Variants in GLIS3 observed in about 807,000 individuals in gnomAD.
GLIS3 encodes the protein zinc finger protein GLIS3.
A neutral mutation model predicts 78.6 loss-of-function variants in GLIS3; 53 were observed. The observed-to-expected ratio is 0.67, with a 90% CI of 0.54 to 0.85. The LOEUF is 0.85. Among genes scored for constraint, GLIS3 ranks in the 40% least tolerant of loss-of-function variants. The pLI, the probability that GLIS3 is intolerant of heterozygous loss-of-function variation, is 0.00. For synonymous variants in GLIS3, 684 were observed against 509.9 expected, an observed-to-expected ratio of 1.34 and a Z score of -4.60; for missense variants, 1,703 against 1,231.1, an observed-to-expected ratio of 1.38 and a Z score of -5.74.
chr9:4,429,045 A>G, the GLIS3 span, among the ~76,000 whole-genome samples: 1 of 152,178 alleles, frequency 6.6e-6, no homozygotes, highest in Non-Finnish European at 1.5e-5. Flanking sequence ...TCTACCCTGC[A>G]TCCACTCTAT....
intron 2 of GLIS3, among the ~76,000 whole-genome samples, chr9:4,201,416 A>C (rs1819382792): frequency 6.6e-6 from 1 of 152,198 alleles, no homozygotes; most frequent in African/African-American, 2.4e-5. Flanking sequence ...GGAAAATCTG[A>C]TTCTATACCT....
intron 2 of GLIS3, among the ~76,000 whole-genome samples, chr9:4,181,271 C>G (rs940945208): frequency 6.6e-6 from 1 of 152,272 alleles, no homozygotes; most frequent in Admixed American, 6.5e-5. Context: ...CAGCACTCGC[C>G]TCATGCAGAC....
chr9:3,969,745 C>T (rs1240599467), intron 4 of GLIS3, among the ~76,000 whole-genome samples: 1 of 152,156 alleles, frequency 6.6e-6, no homozygotes. Flanking sequence ...TTTCTGAGTT[C>T]CATGACCAAG....
chr9:4,466,919 G>C, the GLIS3 span, among the ~76,000 whole-genome samples: 1 of 152,204 alleles, frequency 6.6e-6, no homozygotes. Flanking sequence ...TGGAAAATTG[G>C]AACACTCCCA....
intron 4 of GLIS3, among the ~76,000 whole-genome samples, chr9:4,106,200 A>G (rs888188978): frequency 2.0e-5 from 3 of 152,192 alleles, no homozygotes; most frequent in Non-Finnish European, 4.4e-5. Context: ...TGTCAGCGTG[A>G]TTATCTAAAG....
intron 2 of GLIS3, among the ~76,000 whole-genome samples, chr9:4,170,569 C>T (rs1370485507): frequency 2.0e-5 from 3 of 152,156 alleles, no homozygotes; most frequent in African/African-American, 7.2e-5. Context: ...CAAGCACATA[C>T]CCAACACAAC....
intron 2 of GLIS3, among the ~76,000 whole-genome samples, chr9:4,204,690 G>T (rs1449550613): frequency 1.3e-5 from 2 of 152,232 alleles, no homozygotes; most frequent in East Asian, 3.9e-4. Flanking sequence ...GGCCGAGGCG[G>T]GCAGACTGCC....
At chr9:4,062,691 G>A (rs530122957) in intron 4 of GLIS3, among the ~76,000 whole-genome samples, 2 of 152,310 alleles carry the variant, frequency 1.3e-5, no homozygotes, top group Admixed American at 1.3e-4. Flanking sequence ...ACTTCGGGAG[G>A]CCGAGGCGGG....
chr9:4,066,478 C>T (rs1827108072), intron 4 of GLIS3, among the ~76,000 whole-genome samples: 1 of 152,214 alleles, frequency 6.6e-6, no homozygotes, highest in Non-Finnish European at 1.5e-5. Context: ...AGGAGAAGCT[C>T]CCTGCCACTG....
the GLIS3 span, among the ~76,000 whole-genome samples, chr9:4,471,042 T>C: frequency 2.0e-5 from 3 of 151,698 alleles, no homozygotes; most frequent in East Asian, 5.8e-4. Flanking sequence ...GGAATCCAAC[T>C]TACAAGGGAT....
At chr9:4,191,157 T>C (rs1160466166) in intron 2 of GLIS3, among the ~76,000 whole-genome samples, 1 of 149,284 alleles carries the variant, frequency 6.7e-6, no homozygotes, top group Non-Finnish European at 1.5e-5. Context: ...AACATCATAA[T>C]GACAGGATCA....
At chr9:4,472,565 C>T in the GLIS3 span, among the ~76,000 whole-genome samples, 4 of 140,154 alleles carry the variant, frequency 2.9e-5, no homozygotes, top group Non-Finnish European at 6.0e-5. Context: ...AATGAGAACA[C>T]TTGGACACAG....
intron 4 of GLIS3, among the ~76,000 whole-genome samples, chr9:4,018,936 G>T (rs777825577): frequency 3.3e-5 from 5 of 152,132 alleles, no homozygotes; most frequent in Non-Finnish European, 7.4e-5. Context: ...CAAATTCCAG[G>T]TATTTTACTC....
chr9:4,427,181 C>A, the GLIS3 span, among the ~76,000 whole-genome samples: 1 of 152,260 alleles, frequency 6.6e-6, no homozygotes, highest in African/African-American at 2.4e-5. Flanking sequence ...GTTGGATGCT[C>A]CATTGAGAAT....
chr9:4,100,373 T>C (rs1830274394), intron 4 of GLIS3, among the ~76,000 whole-genome samples: 1 of 152,190 alleles, frequency 6.6e-6, no homozygotes, highest in African/African-American at 2.4e-5. Context: ...GAGAGAGTAT[T>C]TGTATGTTTT....
the GLIS3 span, among the ~76,000 whole-genome samples, chr9:4,467,599 GA>G: frequency 1.3e-4 from 20 of 152,276 alleles, no homozygotes; most frequent in African/African-American, 4.8e-4. Context: ...CTAACAAACA[GA>G]AAGGACATCC....
intron 2 of GLIS3, among the ~76,000 whole-genome samples, chr9:4,166,660 A>G (rs1024094664): frequency 6.6e-6 from 1 of 152,162 alleles, no homozygotes; most frequent in African/African-American, 2.4e-5. Context: ...TCCAGTTGGC[A>G]CTATTTATGA....
At chr9:4,309,869 G>C (rs944352763) in intron 3 of GLIS3, among the ~76,000 whole-genome samples, 2 of 152,054 alleles carry the variant, frequency 1.3e-5, no homozygotes, top group Admixed American at 6.6e-5. Context: ...TTGTATTAGA[G>C]TACAATAAAA....
At chr9:4,009,628 T>C (rs868213882) in intron 4 of GLIS3, among the ~76,000 whole-genome samples, 14 of 152,218 alleles carry the variant, frequency 9.2e-5, no homozygotes, top group Middle Eastern at 6.8e-3. Context: ...AGACTCTGTG[T>C]TACGTTTGGC....
Sources: gnomAD v4.1 joint callset for allele counts (sites outside exome capture counted in the v4.1 genomes callset) on GRCh38, gnomAD v4.1.1 for gene constraint, MANE v1.5 for transcripts, NCBI Gene and HGNC (gene_info 2026-07-23, HGNC 2026-07-21) for gene names.